ARHGAP18: variants seen among roughly 807,000 people sequenced by gnomAD.
ARHGAP18 encodes Rho GTPase activating protein 18.
In ARHGAP18, 67 loss-of-function variants were observed where a neutral mutation model predicts 86.2. That is an observed-to-expected ratio of 0.78 (90% CI 0.64 to 0.95). The LOEUF (loss-of-function observed/expected upper bound fraction) is 0.95. ARHGAP18 is among the 40% of genes least tolerant of loss of function. The probability of loss-of-function intolerance (pLI) is 0.00; values close to 1 mark genes in which losing one functional copy is unlikely to be tolerated. For synonymous variants in ARHGAP18, 283 were observed against 280.4 expected, an observed-to-expected ratio of 1.01 and a Z score of -0.09; for missense variants, 691 against 780.4, an observed-to-expected ratio of 0.89 and a Z score of 1.37.
At chr6:129,609,033 TA>T (rs1788919432) in intron 8 of ARHGAP18, among the ~76,000 whole-genome samples, 1 of 117,706 alleles carries the variant, frequency 8.5e-6, no homozygotes, top group Admixed American at 1.0e-4. Flanking sequence ...GAGGAAAAGA[TA>T]GAAAAAGGGA....
At chr6:129,609,638 T>C (rs1186847565) in intron 8 of ARHGAP18, among the ~76,000 whole-genome samples, 1 of 151,182 alleles carries the variant, frequency 6.6e-6, no homozygotes, top group Non-Finnish European at 1.5e-5. Context: ...CGTCTCAGAA[T>C]CACACAATGT....
At chr6:129,698,266 A>C (rs1483666697) in intron 1 of ARHGAP18, among the ~76,000 whole-genome samples, 4 of 152,226 alleles carry the variant, frequency 2.6e-5, no homozygotes, top group Non-Finnish European at 5.9e-5. Flanking sequence ...TTCAAAAAAT[A>C]ATTTAAAATT....
chr6:129,645,197 G>A (rs1051028382), intron 1 of ARHGAP18, among the ~76,000 whole-genome samples: 2 of 152,126 alleles, frequency 1.3e-5, no homozygotes, highest in African/African-American at 2.4e-5. Context: ...CAATGAACAT[G>A]TTGTGTTACT....
chr6:129,623,809 C>T (rs1789283126), intron 5 of ARHGAP18, among the ~76,000 whole-genome samples: 1 of 152,104 alleles, frequency 6.6e-6, no homozygotes, highest in Non-Finnish European at 1.5e-5. Context: ...GACAGATTAA[C>T]AATAATGTCT....
intron 1 of ARHGAP18, among the ~76,000 whole-genome samples, chr6:129,683,055 C>CTTTTTTTTTTTTTTTTTTTTTTTT (rs199633610): frequency 1.4e-5 from 2 of 139,090 alleles, no homozygotes; most frequent in African/African-American, 2.7e-5. Flanking sequence ...TTTGTTTTTT[C>CTTTTTTTTTTTTTTTTTTTTTTTT]TTTTTTTTTT....
chr6:129,681,147 G>A (rs922156576), intron 1 of ARHGAP18, among the ~76,000 whole-genome samples: 6 of 152,108 alleles, frequency 3.9e-5, no homozygotes, highest in African/African-American at 1.2e-4. Flanking sequence ...GCACAATCGC[G>A]GCTCACTGTA....
At chr6:129,678,566 A>G (rs968492286) in intron 1 of ARHGAP18, among the ~76,000 whole-genome samples, 1 of 152,250 alleles carries the variant, frequency 6.6e-6, no homozygotes, top group Non-Finnish European at 1.5e-5. Context: ...GACCATAATT[A>G]TCTTTGGTGT....
intron 3 of ARHGAP18, 105 bp from the exon 4 acceptor site, chr6:129,634,210 C>T (rs1425517416): frequency 2.2e-6 from 2 of 927,030 alleles, no homozygotes; most frequent in African/African-American, 3.3e-5. Context: ...GACATGTACT[C>T]AGAATTATAA....
At chr6:129,590,760 C>T (rs969276430) in intron 12 of ARHGAP18, among the ~76,000 whole-genome samples, 1 of 152,196 alleles carries the variant, frequency 6.6e-6, no homozygotes, top group Non-Finnish European at 1.5e-5. Context: ...CTGACATTCT[C>T]TGACCACTAG....
intron 1 of ARHGAP18, among the ~76,000 whole-genome samples, chr6:129,703,763 T>TA (rs1190322490): frequency 2.6e-5 from 4 of 152,204 alleles, no homozygotes; most frequent in Non-Finnish European, 5.9e-5. Context: ...AAAATGCCTT[T>TA]ACAAAGGACT....
chr6:129,691,503 T>A (rs1302135586), intron 1 of ARHGAP18, among the ~76,000 whole-genome samples: 3 of 152,238 alleles, frequency 2.0e-5, no homozygotes, highest in Non-Finnish European at 2.9e-5. Flanking sequence ...ATTATTACGA[T>A]TTCAGGTAGA....
chr6:129,654,685 T>A (rs1773790445), intron 1 of ARHGAP18, among the ~76,000 whole-genome samples: 1 of 152,222 alleles, frequency 6.6e-6, no homozygotes, highest in African/African-American at 2.4e-5. Flanking sequence ...TGTATCAGTG[T>A]CCCATTCAAG....
intron 2 of ARHGAP18, among the ~76,000 whole-genome samples, chr6:129,639,016 A>G (rs1180598703): frequency 1.3e-5 from 2 of 152,220 alleles, no homozygotes; most frequent in Non-Finnish European, 2.9e-5. Flanking sequence ...GCTTAAATTC[A>G]GTACTACCTC....
chr6:129,676,913 CTCT>C (rs1193976156), intron 1 of ARHGAP18, among the ~76,000 whole-genome samples: 21 of 34,588 alleles, frequency 6.1e-4, no homozygotes, highest in African/African-American at 1.8e-3. Flanking sequence ...ATTTTTTGTC[CTCT>C]TTTTTTTTTT....
intron 1 of ARHGAP18, among the ~76,000 whole-genome samples, chr6:129,651,031 T>C (rs1212472411): frequency 6.6e-6 from 1 of 152,166 alleles, no homozygotes; most frequent in Non-Finnish European, 1.5e-5. Flanking sequence ...TCTTTTTTCT[T>C]TTTTTTCCTC....
At chr6:129,622,097 A>G (rs188511688) in intron 5 of ARHGAP18, among the ~76,000 whole-genome samples, 113 of 152,284 alleles carry the variant, frequency 7.4e-4, no homozygotes, top group Admixed American at 1.4e-3. Flanking sequence ...CTGACACACT[A>G]TGGGTGGTCT....
At chr6:129,657,493 T>A (rs191688488) in intron 1 of ARHGAP18, among the ~76,000 whole-genome samples, 116 of 150,844 alleles carry the variant, frequency 7.7e-4, no homozygotes, top group South Asian at 8.4e-4. Context: ...ATTTCTCCAA[T>A]GGAATCATCT....
intron 12 of ARHGAP18, among the ~76,000 whole-genome samples, chr6:129,592,807 C>G (rs147541776): frequency 6.6e-6 from 1 of 152,020 alleles, no homozygotes; most frequent in Non-Finnish European, 1.5e-5. Context: ...AAAGCTGCCC[C>G]CTACATTCTT....
At chr6:129,588,976 G>A (rs1362804395) in intron 12 of ARHGAP18, among the ~76,000 whole-genome samples, 3 of 152,206 alleles carry the variant, frequency 2.0e-5, no homozygotes. Context: ...TGAAGCAGCT[G>A]GGATTCAGGG....
Sources: allele counts gnomAD v4.1 joint callset (sites outside exome capture counted in the v4.1 genomes callset), GRCh38; gene constraint gnomAD v4.1.1; transcripts MANE v1.5; gene names NCBI Gene and HGNC (gene_info 2026-07-23, HGNC 2026-07-21).